The following ARK2C variants were observed in gnomAD, a reference collection of about 807,000 sequenced individuals.
ARK2C encodes E3 ubiquitin-protein ligase ARK2C.
chr18:46,431,226 T>C, the ARK2C span, among the ~76,000 whole-genome samples: 2 of 152,252 alleles, frequency 1.3e-5, no homozygotes, highest in African/African-American at 4.8e-5. Flanking sequence ...CATGATTCTC[T>C]GAGTTCATTT....
At chr18:46,453,930 TAGAG>T in the ARK2C span, among the ~76,000 whole-genome samples, 1 of 151,532 alleles carries the variant, frequency 6.6e-6, no homozygotes, top group Non-Finnish European at 1.5e-5. Context: ...CTGGCCATCA[TAGAG>T]AGATTCTGTC....
At chr18:46,369,273 A>G in the ARK2C span, among the ~76,000 whole-genome samples, 1 of 152,302 alleles carries the variant, frequency 6.6e-6, no homozygotes, top group African/African-American at 2.4e-5. Context: ...AGCATCCATC[A>G]TCAAGATGGG....
the ARK2C span, among the ~76,000 whole-genome samples, chr18:46,358,307 T>A: frequency 6.6e-6 from 1 of 152,004 alleles, no homozygotes; most frequent in South Asian, 2.1e-4. Flanking sequence ...TCTGAGAGAA[T>A]CCAGGTACAT....
the ARK2C span, chr18:46,435,240 T>A: frequency 6.5e-7 from 1 of 1,548,868 alleles, no homozygotes; most frequent in Non-Finnish European, 8.9e-7. Context: ...TGAGAACTAG[T>A]GGCCTGGGTA....
the ARK2C span, among the ~76,000 whole-genome samples, chr18:46,351,494 G>C: frequency 6.6e-6 from 1 of 152,312 alleles, no homozygotes; most frequent in South Asian, 2.1e-4. Context: ...GGTTTGCTAA[G>C]GCTGTCTCCT....
chr18:46,430,233 A>C, the ARK2C span, among the ~76,000 whole-genome samples: 1 of 152,166 alleles, frequency 6.6e-6, no homozygotes, highest in Non-Finnish European at 1.5e-5. Flanking sequence ...CTGGGCAGAT[A>C]ATTCTAGATT....
At chr18:46,392,061 C>T in the ARK2C span, among the ~76,000 whole-genome samples, 3 of 151,888 alleles carry the variant, frequency 2.0e-5, no homozygotes, top group African/African-American at 7.3e-5. Context: ...ACACACACCA[C>T]ACACAATATA....
chr18:46,447,477 A>G, the ARK2C span: 1 of 1,480,006 alleles, frequency 6.8e-7, no homozygotes, highest in East Asian at 2.3e-5. Context: ...CTCCAATTCT[A>G]CTCCATAGGC....
the ARK2C span, chr18:46,334,229 G>A: frequency 3.0e-6 from 4 of 1,344,960 alleles, no homozygotes; most frequent in Middle Eastern, 2.8e-4. This position sits in a 1 kb window ranked among gnomAD's most constrained non-coding sequence, Gnocchi z 4.4. Context: ...GCGCCACAAA[G>A]GGCCCGCGCG....
chr18:46,427,292 G>C, the ARK2C span, among the ~76,000 whole-genome samples: 1 of 152,230 alleles, frequency 6.6e-6, no homozygotes, highest in African/African-American at 2.4e-5. Flanking sequence ...GAAGGCATCT[G>C]CTTTCACTTC....
the ARK2C span, among the ~76,000 whole-genome samples, chr18:46,383,315 T>C: frequency 6.6e-6 from 1 of 152,196 alleles, no homozygotes; most frequent in African/African-American, 2.4e-5. Context: ...TATCTAGTGA[T>C]TTATTTAAGT....
At chr18:46,334,707 TGTGTGTGTGAGA>T in the ARK2C span, 1,056 of 276,768 alleles carry the variant, frequency 3.8e-3, 6 homozygotes, top group African/African-American at 0.021. The surrounding 1 kb of genome is among the most constrained non-coding windows in gnomAD (Gnocchi z 4.4). Flanking sequence ...TGTGTGTGTG[TGTGTGTGTGAGA>T]GAGAGAGAGA....
At chr18:46,443,547 A>T in the ARK2C span, among the ~76,000 whole-genome samples, 2 of 152,218 alleles carry the variant, frequency 1.3e-5, no homozygotes, top group Non-Finnish European at 2.9e-5. Flanking sequence ...AGTGGTTGGC[A>T]AATTATGGCC....
At chr18:46,336,645 A>T in the ARK2C span, 3 of 985,442 alleles carry the variant, frequency 3.0e-6, no homozygotes, top group Non-Finnish European at 3.6e-6. Context: ...GTAGTAGTGT[A>T]GGATGTAGGC....
chr18:46,389,842 C>T, the ARK2C span, among the ~76,000 whole-genome samples: 5 of 152,142 alleles, frequency 3.3e-5, no homozygotes, highest in South Asian at 2.1e-4. Flanking sequence ...GATCCTCCCA[C>T]CTCAGCCTCC....
the ARK2C span, among the ~76,000 whole-genome samples, chr18:46,455,536 T>A: frequency 6.6e-6 from 1 of 152,214 alleles, no homozygotes; most frequent in East Asian, 1.9e-4. Flanking sequence ...GAGTTCTGGG[T>A]ATTACTTAAG....
At chr18:46,433,153 T>C in the ARK2C span, 1 of 1,505,234 alleles carries the variant, frequency 6.6e-7, no homozygotes, top group South Asian at 1.3e-5. Context: ...CCGCTCGTGC[T>C]GGTCGTCATG....
At chr18:46,339,231 T>C in the ARK2C span, among the ~76,000 whole-genome samples, 1 of 152,236 alleles carries the variant, frequency 6.6e-6, no homozygotes, top group East Asian at 1.9e-4. Context: ...ATAATAAAAC[T>C]ACCCTGAATT....
At chr18:46,404,342 T>G in the ARK2C span, among the ~76,000 whole-genome samples, 5 of 152,180 alleles carry the variant, frequency 3.3e-5, no homozygotes, top group Admixed American at 2.0e-4. Flanking sequence ...TTGATGGATG[T>G]GGGTCAAGGA....
Sources: gnomAD v4.1 joint callset for allele counts (sites outside exome capture counted in the v4.1 genomes callset) on GRCh38, gnomAD v4.1.1 for gene constraint, Gnocchi (gnomAD v3.1) non-coding constraint, MANE v1.5 for transcripts, NCBI Gene and HGNC (gene_info 2026-07-23, HGNC 2026-07-21) for gene names.